Variants in HCRTR2 observed in about 807,000 individuals in gnomAD.
HCRTR2 encodes the protein orexin receptor type 2.
HCRTR2 carries 22 observed loss-of-function variants against 49.0 expected under a neutral mutation model. That is an observed-to-expected ratio of 0.45 (90% CI 0.32 to 0.64). The LOEUF is 0.64. Ranked by LOEUF, HCRTR2 falls within the 30% of genes least tolerant of loss-of-function variation. The probability of loss-of-function intolerance (pLI) is 0.04; values close to 1 mark genes in which losing one functional copy is unlikely to be tolerated. For missense variants in HCRTR2, 491 were observed against 559.4 expected (o/e 0.88, Z 1.23); for synonymous variants, 236 against 205.3 (o/e 1.15, Z -1.28).
intron 1 of HCRTR2, among the ~76,000 whole-genome samples, chr6:55,180,248 G>A (rs1420187292): frequency 6.6e-6 from 1 of 152,244 alleles, no homozygotes; most frequent in East Asian, 1.9e-4. Context: ...GCAGTAAATA[G>A]CAGCACTAGG....
At chr6:55,141,960 A>G (rs1306810925) in intron 1 of HCRTR2, among the ~76,000 whole-genome samples, 2 of 152,210 alleles carry the variant, frequency 1.3e-5, no homozygotes, top group Non-Finnish European at 1.5e-5. Flanking sequence ...TGGGAAATAA[A>G]TTGTAAAATT....
intron 3 of HCRTR2, among the ~76,000 whole-genome samples, chr6:55,257,696 A>T (rs1766679344): frequency 6.6e-6 from 1 of 151,884 alleles, no homozygotes; most frequent in South Asian, 2.1e-4. Flanking sequence ...CTGATATTTT[A>T]TTACATAACT....
At chr6:55,172,653 T>A (rs1366156685), upstream of HCRTR2, among the ~76,000 whole-genome samples, 1 of 152,232 alleles carries the variant, frequency 6.6e-6, no homozygotes, top group Non-Finnish European at 1.5e-5. Context: ...CAGATGGTTT[T>A]GCTGCTGATT....
At chr6:55,281,434 T>G (rs975783040) in intron 6 of HCRTR2, among the ~76,000 whole-genome samples, 2 of 152,188 alleles carry the variant, frequency 1.3e-5, no homozygotes, top group African/African-American at 4.8e-5. Flanking sequence ...AAAGTCCTAG[T>G]ATGGAGGATA....
chr6:55,161,291 C>T (rs1316402458), intron 1 of HCRTR2, among the ~76,000 whole-genome samples: 1 of 152,018 alleles, frequency 6.6e-6, no homozygotes, highest in Non-Finnish European at 1.5e-5. Flanking sequence ...CCAATGAGAA[C>T]AAAGACACAA....
chr6:55,137,303 A>G (rs1450828423), intron 1 of HCRTR2, among the ~76,000 whole-genome samples: 1 of 152,222 alleles, frequency 6.6e-6, no homozygotes, highest in East Asian at 1.9e-4. Context: ...CCTGAAAGGC[A>G]GCCAGCTAAA....
chr6:55,213,919 T>G (rs1765740460), intron 1 of HCRTR2, among the ~76,000 whole-genome samples: 1 of 151,084 alleles, frequency 6.6e-6, no homozygotes, highest in African/African-American at 2.4e-5. Context: ...GTTTTTTTCC[T>G]GGGGAGAGAA....
At chr6:55,231,839 G>T (rs548659006) in intron 1 of HCRTR2, among the ~76,000 whole-genome samples, 1 of 152,096 alleles carries the variant, frequency 6.6e-6, no homozygotes, top group East Asian at 1.9e-4. Flanking sequence ...TTTTGTTGTT[G>T]CTCTAAATTT....
At chr6:55,125,954 T>C (rs1382545711) in intron 1 of HCRTR2, among the ~76,000 whole-genome samples, 2 of 152,194 alleles carry the variant, frequency 1.3e-5, no homozygotes, top group African/African-American at 2.4e-5. Flanking sequence ...TGCTATGTTT[T>C]TCAGCTCCAT....
At chr6:55,160,787 A>G (rs985732420) in intron 1 of HCRTR2, among the ~76,000 whole-genome samples, 7 of 152,226 alleles carry the variant, frequency 4.6e-5, no homozygotes, top group Non-Finnish European at 7.3e-5. Context: ...ACAGCTAGCT[A>G]TCCTAAATAT....
At chr6:55,230,861 C>T (rs961517611) in intron 1 of HCRTR2, among the ~76,000 whole-genome samples, 8 of 145,840 alleles carry the variant, frequency 5.5e-5, no homozygotes, top group Admixed American at 1.4e-4. Context: ...TTTTTTTTTA[C>T]GGTTCATTTC....
At chr6:55,134,178 G>C (rs980912827) in intron 1 of HCRTR2, among the ~76,000 whole-genome samples, 5 of 151,604 alleles carry the variant, frequency 3.3e-5, no homozygotes, top group Non-Finnish European at 5.9e-5. Flanking sequence ...TTGGGTGATA[G>C]TCCTTTTAAG....
At chr6:55,184,527 C>T (rs1394934581) in intron 1 of HCRTR2, among the ~76,000 whole-genome samples, 1 of 152,136 alleles carries the variant, frequency 6.6e-6, no homozygotes, top group Non-Finnish European at 1.5e-5. Context: ...AAATTTTCTA[C>T]AACTTTCTAA....
intron 4 of HCRTR2, among the ~76,000 whole-genome samples, chr6:55,273,878 C>G (rs1281996085): frequency 6.6e-6 from 1 of 151,996 alleles, no homozygotes; most frequent in African/African-American, 2.4e-5. Flanking sequence ...ACACATCAGA[C>G]TAGTCCTCTG....
At chr6:55,132,815 T>C (rs939236430) in intron 1 of HCRTR2, among the ~76,000 whole-genome samples, 6 of 151,074 alleles carry the variant, frequency 4.0e-5, no homozygotes, top group Admixed American at 3.3e-4. Flanking sequence ...TTGAAAGTGG[T>C]ATTGCTTTAT....
intron 1 of HCRTR2, among the ~76,000 whole-genome samples, chr6:55,135,545 A>G (rs1424569078): frequency 6.6e-6 from 1 of 152,118 alleles, no homozygotes; most frequent in African/African-American, 2.4e-5. Context: ...CAGTTGCTTC[A>G]GTTTGTGTTA....
At position 55,183,181 on chromosome 6, in the gene HCRTR2, T is replaced by C. The variant is rs560485325; in HGVS notation, c.223+8371T>C. 8.5e-5 allele frequency among the ~76,000 whole-genome samples: 13 copies of C among 152,304 alleles called. No individual in the cohort carries two copies. The South Asian group carries it at 2.7e-3, about 32-fold the overall frequency. ...TAAAATAACGTGGTAAGTGCTACTA[T>C]GACAGATGGTTGCACAGAATGTAGT... is the stretch of plus-strand genomic sequence containing the variant. On this transcript the variant is annotated intron_variant, in intron 1 of 6. Coordinates refer to ENST00000370862, the MANE Select transcript of HCRTR2 (RefSeq NM_001384272.1).
At chr6:55,143,733 T>C (rs1455837339) in intron 1 of HCRTR2, among the ~76,000 whole-genome samples, 1 of 141,136 alleles carries the variant, frequency 7.1e-6, no homozygotes, top group East Asian at 1.9e-4. Flanking sequence ...ATGAGATCCA[T>C]TTAATACATA....
At chr6:55,195,825 G>C (rs181671443) in intron 1 of HCRTR2, among the ~76,000 whole-genome samples, 10 of 151,960 alleles carry the variant, frequency 6.6e-5, no homozygotes, top group Admixed American at 1.3e-4. Flanking sequence ...AAAATTAGCC[G>C]GGTGTGGTGG....
Sources: gnomAD v4.1 joint callset for allele counts (sites outside exome capture counted in the v4.1 genomes callset) on GRCh38, gnomAD v4.1.1 for gene constraint, MANE v1.5 for transcripts, NCBI Gene and HGNC (gene_info 2026-07-23, HGNC 2026-07-21) for gene names.